XKR4: variants seen among roughly 807,000 people sequenced by gnomAD.
XKR4 encodes the protein XK-related protein 4.
XKR4 carries 12 observed loss-of-function variants against 53.9 expected under a neutral mutation model. The observed-to-expected ratio is 0.22, with a 90% CI of 0.14 to 0.36. XKR4 has a LOEUF of 0.36. Among genes scored for constraint, XKR4 ranks in the 10% least tolerant of loss-of-function variants. The pLI is 1.00. For missense variants in XKR4, 799 were observed against 859.5 expected, an observed-to-expected ratio of 0.93 and a Z score of 0.88; for synonymous variants, 354 against 362.4, an observed-to-expected ratio of 0.98 and a Z score of 0.26.
chr8:55,413,137 T>G (rs1804799516), intron 2 of XKR4, among the ~76,000 whole-genome samples: 1 of 152,258 alleles, frequency 6.6e-6, no homozygotes, highest in African/African-American at 2.4e-5. Flanking sequence ...ATTGTTTTAC[T>G]GATTATTTCC....
intron 1 of XKR4, among the ~76,000 whole-genome samples, chr8:55,165,871 G>T (rs141847539): frequency 3.4e-4 from 52 of 151,876 alleles, no homozygotes; most frequent in Middle Eastern, 3.4e-3. Context: ...AGGTCAAAGA[G>T]GTTTATGGGA....
chr8:55,369,251 T>C (rs1804035077), intron 2 of XKR4, among the ~76,000 whole-genome samples: 1 of 151,276 alleles, frequency 6.6e-6, no homozygotes, highest in Non-Finnish European at 1.5e-5. Flanking sequence ...TAGTCCCAGT[T>C]ACTTGAGAGG....
chr8:55,431,133 T>G (rs1206561257), intron 2 of XKR4, among the ~76,000 whole-genome samples: 1 of 152,192 alleles, frequency 6.6e-6, no homozygotes, highest in Non-Finnish European at 1.5e-5. Context: ...AACTAATAAG[T>G]CAAATGTAGT....
At chr8:55,172,289 A>C (rs1817171855) in intron 1 of XKR4, among the ~76,000 whole-genome samples, 1 of 151,960 alleles carries the variant, frequency 6.6e-6, no homozygotes, top group Non-Finnish European at 1.5e-5. Context: ...TCTCTGCCTC[A>C]GTTTCCTCAT....
intron 1 of XKR4, among the ~76,000 whole-genome samples, chr8:55,338,124 T>C (rs1025868003): frequency 2.0e-5 from 3 of 152,214 alleles, no homozygotes; most frequent in Non-Finnish European, 4.4e-5. Flanking sequence ...GAAGGTCACA[T>C]GGATATTAGA....
chr8:55,266,874 C>T (rs764308204), intron 1 of XKR4, among the ~76,000 whole-genome samples: 5 of 152,118 alleles, frequency 3.3e-5, no homozygotes, highest in Non-Finnish European at 5.9e-5. Context: ...TCATTAGCAT[C>T]GCATGCCTGT....
intron 1 of XKR4, among the ~76,000 whole-genome samples, chr8:55,186,179 C>G (rs1817374069): frequency 6.6e-6 from 1 of 152,030 alleles, no homozygotes; most frequent in Non-Finnish European, 1.5e-5. Flanking sequence ...AAGTTTGACC[C>G]TCGTATCAAA....
rs1029201144 is a variant in XKR4 at position 55,523,699 on chromosome 8, G to T, written c.1425G>T (p.Trp475Cys). 6.2e-7 allele frequency: 1 copy of T among 1,614,060 alleles called. No individual in the cohort carries two copies. Among genetic ancestry groups the T allele is most frequent in the African/African-American group, 1.3e-5 (1 of 74,914 alleles). The change falls in exon 3 of 3, where the codon TGG becomes TGT. Residue 475 changes from tryptophan (W) to cysteine (C), a missense_variant. Physicochemically the swap from Trp to Cys is radical, Grantham distance 215 (BLOSUM62 -2). Transcript: ENST00000327381. ...AAAATACAGCCTTGAGTGCCCTCTG[G>T]TACCTCTACAAGGCTCCCCAGATTG... ...LLENTALSALWYLYKAPQIAD... is the reference protein window; with the variant it reads ...LLENTALSALCYLYKAPQIAD...
chr8:55,103,027 C>T lies in XKR4; in HGVS notation c.539C>T (p.Ala180Val). ...DFSTEDSATA[A>V]AASSCPQPGA... The stretch of plus-strand genomic sequence containing the variant: ...AGCACCGAGGACAGCGCCACGGCCG[C>T]TGCTGCCTCCAGCTGCCCGCAGCCT... Residue 180 changes from alanine to valine, a missense_variant, in exon 1 of 3, where the codon GCT becomes GTT. Physicochemically the swap from Ala to Val is moderately conservative, Grantham distance 64 (BLOSUM62 0). Around this residue, in one of 3 missense-constraint regions of XKR4, gnomAD observed 476 missense variants for 505.4 expected, o/e 0.94. Coordinates refer to ENST00000327381, the MANE Select transcript of XKR4 (RefSeq NM_052898.2). The T allele has an allele frequency of 6.2e-7, 1 of 1,612,586 alleles. No homozygotes were observed. Among genetic ancestry groups the T allele is most frequent in the East Asian group, 2.2e-5 (1 of 44,866 alleles).
At chr8:55,289,661 A>AGG (rs1818967033) in intron 1 of XKR4, among the ~76,000 whole-genome samples, 4 of 94,058 alleles carry the variant, frequency 4.3e-5, no homozygotes, top group Non-Finnish European at 9.0e-5. Flanking sequence ...AAGGAAGGAA[A>AGG]AGAAAAGAAA....
intron 2 of XKR4, among the ~76,000 whole-genome samples, chr8:55,368,592 A>T (rs1804027580): frequency 6.6e-6 from 1 of 151,774 alleles, no homozygotes; most frequent in African/African-American, 2.4e-5. Flanking sequence ...CCCCCTTCCC[A>T]CAGACGCCCC....
chr8:55,367,038 G>A (rs1803999094), intron 2 of XKR4, among the ~76,000 whole-genome samples: 2 of 152,118 alleles, frequency 1.3e-5, no homozygotes, highest in Admixed American at 6.5e-5. Flanking sequence ...GTTTTCAAGT[G>A]TAACATAGAT....
intron 2 of XKR4, among the ~76,000 whole-genome samples, chr8:55,463,884 G>A (rs2129398590): frequency 6.6e-6 from 1 of 152,210 alleles, no homozygotes; most frequent in South Asian, 2.1e-4. Flanking sequence ...AGAAGAAATG[G>A]ATAAATTCCT....
At chr8:55,497,845 C>G (rs1175482895) in intron 2 of XKR4, among the ~76,000 whole-genome samples, 1 of 152,162 alleles carries the variant, frequency 6.6e-6, no homozygotes, top group East Asian at 1.9e-4. Flanking sequence ...TCTCAAGAGC[C>G]CCTAATACCT....
rs144213398 is a variant in XKR4, at chr8:55,500,291, C to T, written c.1007-22990C>T. The stretch of plus-strand genomic sequence containing the variant: ...TGTTTTCCTGGCTTTATTTTTTCTC[C>T]ATATTTCTGCAAGTGTAAGATATCT... On this transcript the variant is annotated intron_variant, in intron 2 of 2. Transcript: ENST00000327381. Among the ~76,000 whole-genome samples, 64 of 151,786 alleles carry T rather than the reference C, an allele frequency of 4.2e-4. 1 individual carries two copies. In the East Asian group the frequency reaches 0.012, roughly 27 times the overall value.
intron 2 of XKR4, among the ~76,000 whole-genome samples, chr8:55,366,197 A>T (rs565893287): frequency 6.6e-6 from 1 of 152,312 alleles, no homozygotes; most frequent in Admixed American, 6.5e-5. Flanking sequence ...CTATTGGCAG[A>T]ACCCACCGGG....
At chr8:55,157,689 A>C (rs1391767887) in intron 1 of XKR4, among the ~76,000 whole-genome samples, 1 of 152,124 alleles carries the variant, frequency 6.6e-6, no homozygotes, top group African/African-American at 2.4e-5. Context: ...TGCACCCTCA[A>C]GTAGGCCCCA....
intron 1 of XKR4, among the ~76,000 whole-genome samples, chr8:55,283,154 A>T (rs1818863238): frequency 6.6e-6 from 1 of 152,214 alleles, no homozygotes; most frequent in African/African-American, 2.4e-5. Context: ...TGTTCACATA[A>T]TGATGAAATT....
intron 2 of XKR4, among the ~76,000 whole-genome samples, chr8:55,485,350 C>A (rs1440236164): frequency 1.3e-5 from 2 of 151,848 alleles, no homozygotes; most frequent in African/African-American, 4.8e-5. Flanking sequence ...CTTATCTGAA[C>A]AAAAAATCCC....
Sources: allele counts gnomAD v4.1 joint callset (sites outside exome capture counted in the v4.1 genomes callset), GRCh38; gene constraint gnomAD v4.1.1; regional missense constraint gnomAD v4.1.1; transcripts MANE v1.5; gene names NCBI Gene and HGNC (gene_info 2026-07-23, HGNC 2026-07-21).